Variants in WWOX observed in about 807,000 individuals in gnomAD.
The protein encoded by WWOX is WW domain-containing oxidoreductase.
In WWOX, 69 loss-of-function variants were observed where a neutral mutation model predicts 46.2. The ratio of observed to expected loss-of-function variants is 1.49; its 90% CI spans 1.23 to 1.82. The LOEUF is 1.82. WWOX is among the 40% of genes most tolerant of loss of function. The pLI, the probability that WWOX is intolerant of heterozygous loss-of-function variation, is 0.00. For missense variants in WWOX, 919 were observed against 542.6 expected (o/e 1.69, Z -6.89); for synonymous variants, 359 against 202.6 (o/e 1.77, Z -6.56).
intron 8 of WWOX, among the ~76,000 whole-genome samples, chr16:78,475,148 C>A (rs1016187626): frequency 6.6e-6 from 1 of 152,142 alleles, no homozygotes; most frequent in African/African-American, 2.4e-5. Flanking sequence ...TAGGGACATG[C>A]AAAACAAAGG....
At chr16:78,534,802 C>T (rs982982829) in intron 8 of WWOX, among the ~76,000 whole-genome samples, 32 of 151,942 alleles carry the variant, frequency 2.1e-4, no homozygotes, top group African/African-American at 6.3e-4. Context: ...CTCCACCTCC[C>T]GGGTTCAAGC....
chr16:79,153,354 C>A (rs8045785), intron 8 of WWOX, among the ~76,000 whole-genome samples: 1 of 152,004 alleles, frequency 6.6e-6, no homozygotes, highest in Admixed American at 6.5e-5. Flanking sequence ...CCTTTCAGTG[C>A]GAAGGAATCC....
At chr16:78,342,971 A>G (rs956446378) in intron 5 of WWOX, among the ~76,000 whole-genome samples, 1 of 121,050 alleles carries the variant, frequency 8.3e-6, no homozygotes, top group Admixed American at 8.0e-5. Flanking sequence ...GCAGATGACA[A>G]TAAAGGTATT....
chr16:78,748,565 G>T (rs143687952), intron 8 of WWOX, among the ~76,000 whole-genome samples: 1 of 152,138 alleles, frequency 6.6e-6, no homozygotes, highest in Non-Finnish European at 1.5e-5. Context: ...GGAGACCTCA[G>T]CTCTGATTAC....
chr16:78,491,842 C>G (rs1025627883), intron 8 of WWOX, among the ~76,000 whole-genome samples: 3 of 152,156 alleles, frequency 2.0e-5, no homozygotes, highest in African/African-American at 7.2e-5. Flanking sequence ...ACAGATGCCT[C>G]CAGTGGCCCA....
At chr16:78,829,180 A>G (rs146539726) in intron 8 of WWOX, among the ~76,000 whole-genome samples, 1 of 152,304 alleles carries the variant, frequency 6.6e-6, no homozygotes, top group African/African-American at 2.4e-5. Context: ...AGATGGACAG[A>G]TAGAGATTTT....
chr16:78,392,101 C>A (rs561114088), intron 6 of WWOX, among the ~76,000 whole-genome samples: 1 of 151,618 alleles, frequency 6.6e-6, no homozygotes, highest in African/African-American at 2.4e-5. Flanking sequence ...AAACCAATAG[C>A]GGAGCCGTGG....
intron 8 of WWOX, among the ~76,000 whole-genome samples, chr16:78,596,217 G>C (rs2045485897): frequency 6.6e-6 from 1 of 152,148 alleles, no homozygotes. Flanking sequence ...AAGTCACCCT[G>C]TATGGTTGGA....
chr16:78,741,787 G>T (rs58164682), intron 8 of WWOX, among the ~76,000 whole-genome samples: 2,273 of 152,220 alleles, frequency 0.015, 58 homozygotes, highest in African/African-American at 0.052. Context: ...TCCAGGAGAC[G>T]GAGGTTGCAG....
chr16:78,952,407 A>ATGG (rs2046079531), intron 8 of WWOX, among the ~76,000 whole-genome samples: 1 of 150,228 alleles, frequency 6.7e-6, no homozygotes, highest in Admixed American at 6.6e-5. Context: ...TTTGAGACAA[A>ATGG]AGTCTCGCTC....
rs555589829 is a variant in WWOX at position 78,725,297 on chromosome 16, A to T, written c.1056+292545A>T. 2.0e-5 allele frequency among the ~76,000 whole-genome samples: 3 copies of T among 146,372 alleles called. No individual in the cohort carries two copies. The South Asian group carries it at 6.7e-4, about 33-fold the overall frequency. On this transcript the variant is annotated intron_variant, in intron 8 of 8. Transcript: ENST00000566780. Reference sequence around the variant, plus strand: ...ACTTCTTTTTCTTTATAAATTACCCAGTCTCAGGTATGTCTTTTTTTTTCC... The same window carrying T: ...ACTTCTTTTTCTTTATAAATTACCCTGTCTCAGGTATGTCTTTTTTTTTCC...
intron 8 of WWOX, among the ~76,000 whole-genome samples, chr16:78,584,283 C>T (rs1246478248): frequency 6.6e-6 from 1 of 152,142 alleles, no homozygotes; most frequent in African/African-American, 2.4e-5. Context: ...CAGTTATTCC[C>T]AACCATGGAG....
At chr16:79,176,275 C>T (rs2050798693) in intron 8 of WWOX, among the ~76,000 whole-genome samples, 1 of 152,188 alleles carries the variant, frequency 6.6e-6, no homozygotes, top group African/African-American at 2.4e-5. Context: ...CTCAGGGATC[C>T]AGGCTGCAGC....
chr16:78,479,342 A>G (rs2084433017), intron 8 of WWOX, among the ~76,000 whole-genome samples: 1 of 152,232 alleles, frequency 6.6e-6, no homozygotes, highest in African/African-American at 2.4e-5. Context: ...ATATGCAAAT[A>G]ATTTTGATAG....
At chr16:78,162,771 T>C (rs1255729463) in intron 4 of WWOX, among the ~76,000 whole-genome samples, 2 of 152,170 alleles carry the variant, frequency 1.3e-5, no homozygotes, top group African/African-American at 4.8e-5. Flanking sequence ...TATGTCTCTT[T>C]TGTGCTTTGT....
chr16:78,531,816 C>T (rs1402278858), intron 8 of WWOX, among the ~76,000 whole-genome samples: 1 of 152,100 alleles, frequency 6.6e-6, no homozygotes, highest in African/African-American at 2.4e-5. Flanking sequence ...CAAACTTGCA[C>T]AACTGAACTC....
chr16:78,273,233 A>G (rs1298810788), intron 5 of WWOX, among the ~76,000 whole-genome samples: 1 of 152,144 alleles, frequency 6.6e-6, no homozygotes, highest in Non-Finnish European at 1.5e-5. Flanking sequence ...TCCTATGCCA[A>G]ACTTCCTAGC....
chr16:78,989,331 T>C (rs1250909645), intron 8 of WWOX, among the ~76,000 whole-genome samples: 1 of 152,190 alleles, frequency 6.6e-6, no homozygotes, highest in East Asian at 1.9e-4. Flanking sequence ...AGCTTATATA[T>C]ATGTCTGATG....
intron 8 of WWOX, among the ~76,000 whole-genome samples, chr16:78,686,436 G>A (rs536818970): frequency 1.3e-4 from 20 of 152,218 alleles, no homozygotes; most frequent in Non-Finnish European, 2.1e-4. Context: ...GTGTCAACCC[G>A]GGAGGTGGAG....
Sources: allele counts gnomAD v4.1 joint callset (sites outside exome capture counted in the v4.1 genomes callset), GRCh38; gene constraint gnomAD v4.1.1; transcripts MANE v1.5; gene names NCBI Gene and HGNC (gene_info 2026-07-23, HGNC 2026-07-21).